RORA: variants seen among roughly 807,000 people sequenced by gnomAD.
RORA encodes RAR related orphan receptor A.
In RORA, 7 loss-of-function variants were observed where a neutral mutation model predicts 69.5. The observed-to-expected ratio is 0.10, with a 90% CI of 0.06 to 0.19. The LOEUF is 0.19. RORA is among the 10% of genes least tolerant of loss of function. The pLI is 1.00. For missense variants in RORA, 457 were observed against 663.0 expected (o/e 0.69, Z 3.41); for synonymous variants, 261 against 240.8 (o/e 1.08, Z -0.78).
chr15:61,113,279 T>G (rs753242913), intron 1 of RORA, among the ~76,000 whole-genome samples: 1 of 152,184 alleles, frequency 6.6e-6, no homozygotes, highest in Non-Finnish European at 1.5e-5. Context: ...GTAAAGATGT[T>G]TCGAACTCAG....
intron 2 of RORA, among the ~76,000 whole-genome samples, chr15:60,655,105 T>C (rs1380323789): frequency 1.3e-5 from 2 of 152,202 alleles, no homozygotes; most frequent in African/African-American, 4.8e-5. Context: ...TTGGATGCAC[T>C]GAAAATATAA....
chr15:61,027,325 T>C (rs1047612556), intron 1 of RORA, among the ~76,000 whole-genome samples: 9 of 152,232 alleles, frequency 5.9e-5, no homozygotes, highest in Non-Finnish European at 1.2e-4. Context: ...CTGGGAGGGC[T>C]AGCCATACCT....
intron 1 of RORA, among the ~76,000 whole-genome samples, chr15:61,098,409 A>C (rs2078829039): frequency 6.6e-6 from 1 of 151,706 alleles, no homozygotes; most frequent in African/African-American, 2.4e-5. Context: ...TGGCGTGATC[A>C]CAGCTCACTA....
intron 1 of RORA, among the ~76,000 whole-genome samples, chr15:60,791,971 C>A (rs1567192780): frequency 6.6e-6 from 1 of 151,392 alleles, no homozygotes. Flanking sequence ...AAAAACCAAC[C>A]CCAAGAATAC....
chr15:60,854,332 CA>C (rs1328957415), intron 1 of RORA, among the ~76,000 whole-genome samples: 1 of 152,150 alleles, frequency 6.6e-6, no homozygotes, highest in Non-Finnish European at 1.5e-5. Context: ...AATTCAAATA[CA>C]AAAATAACTT....
intron 2 of RORA, among the ~76,000 whole-genome samples, chr15:60,585,675 T>C (rs781663170): frequency 6.6e-6 from 1 of 152,202 alleles, no homozygotes; most frequent in Admixed American, 6.5e-5. Flanking sequence ...TCATAACAAT[T>C]GTTGACTCAC....
chr15:61,221,843 T>C (rs8041438), intron 1 of RORA, among the ~76,000 whole-genome samples: 75,208 of 151,790 alleles, frequency 0.5, 21,475 homozygotes, highest in South Asian at 0.66. Context: ...ACTTCCTAAT[T>C]GTTTCAGGAA....
intron 2 of RORA, among the ~76,000 whole-genome samples, chr15:60,555,474 G>A (rs937495635): frequency 6.6e-6 from 1 of 152,052 alleles, no homozygotes; most frequent in African/African-American, 2.4e-5. Flanking sequence ...TGTACTACTC[G>A]AGGAACCCTA....
In RORA at chr15:60,896,528, A is replaced by G. The variant is rs1410370043; in HGVS notation, c.167-217842T>C. Among the ~76,000 whole-genome samples, 2 of 152,236 alleles carry G rather than the reference A, an allele frequency of 1.3e-5. 1 individual carries two copies. The highest frequency in any genetic ancestry group is 1.3e-4 in the Admixed American group (2 of 15,288). ...GTTTTAGGCATTACTATACTAGGCC[A>G]TTCCTTAGCATGTGTGACATGAGTG... On this transcript the variant is annotated intron_variant, in intron 1 of 10. Transcript: ENST00000335670.
intron 1 of RORA, among the ~76,000 whole-genome samples, chr15:61,160,725 T>C (rs1338403533): frequency 6.6e-6 from 1 of 152,132 alleles, no homozygotes; most frequent in African/African-American, 2.4e-5. Flanking sequence ...CTATCATAAT[T>C]GATCACAGAA....
intron 1 of RORA, among the ~76,000 whole-genome samples, chr15:60,730,477 C>G (rs2071415193): frequency 6.6e-6 from 1 of 152,184 alleles, no homozygotes; most frequent in Non-Finnish European, 1.5e-5. Context: ...CTGGAAAAAT[C>G]TTAAAAAATG....
At chr15:60,805,171 CCT>C (rs1361947551) in intron 1 of RORA, among the ~76,000 whole-genome samples, 1 of 152,158 alleles carries the variant, frequency 6.6e-6, no homozygotes, top group African/African-American at 2.4e-5. Context: ...GCAGCCATCC[CCT>C]CTCACCATGA....
In RORA at chr15:60,495,163, G is replaced by GAAAC. The variant is rs575496417; in HGVS notation, c.*2288_*2291dup. On this transcript the variant is annotated 3_prime_UTR_variant, in exon 11 of 11. Transcript: ENST00000335670. ...CAAAACACCATTTCCCCCCAGAGGA[G>GAAAC]AAACAATAGAAAAAAAATGGATGAA... 12 of 152,064 alleles carry GAAAC rather than the reference G, an allele frequency of 7.9e-5. 1 individual carries two copies. The South Asian group carries it at 2.5e-3, about 32-fold the overall frequency. The allele number at this position is 152,064 out of a possible 1,614,324, so 9.4% of individuals were successfully genotyped here.
intron 1 of RORA, among the ~76,000 whole-genome samples, chr15:60,947,033 C>CCCGGCCAGCCGCCCCGT (rs1442955296): frequency 6.7e-6 from 1 of 149,582 alleles, no homozygotes; most frequent in African/African-American, 2.5e-5. Flanking sequence ...CCAGCCCCCG[C>CCCGGCCAGCCGCCCCGT]CCGGCCAGCC....
chr15:60,625,189 A>T (rs1174294034), intron 2 of RORA, among the ~76,000 whole-genome samples: 1 of 152,224 alleles, frequency 6.6e-6, no homozygotes, highest in Non-Finnish European at 1.5e-5. Flanking sequence ...ACATACAGAA[A>T]GACACAGACC....
intron 1 of RORA, among the ~76,000 whole-genome samples, chr15:60,742,482 C>A: frequency 6.6e-6 from 1 of 152,134 alleles, no homozygotes. Flanking sequence ...TCACAGACAT[C>A]ATTTTTGTGA....
intron 2 of RORA, among the ~76,000 whole-genome samples, chr15:60,622,339 G>A (rs549469047): frequency 1.1e-4 from 16 of 152,190 alleles, no homozygotes; most frequent in South Asian, 2.1e-4. Context: ...CAGGCTGGGC[G>A]TGATGGCTAA....
chr15:60,704,960 G>A (rs991746544), intron 1 of RORA, among the ~76,000 whole-genome samples: 1 of 152,154 alleles, frequency 6.6e-6, no homozygotes, highest in African/African-American at 2.4e-5. Flanking sequence ...CATCTGATTG[G>A]CATGAGCTTC....
At chr15:61,033,193 G>A (rs1212751367) in intron 1 of RORA, among the ~76,000 whole-genome samples, 2 of 152,146 alleles carry the variant, frequency 1.3e-5, no homozygotes, top group Non-Finnish European at 2.9e-5. Context: ...TCCAGTCTAT[G>A]GCTACAAAAC....
Sources: allele counts gnomAD v4.1 joint callset (sites outside exome capture counted in the v4.1 genomes callset), GRCh38; gene constraint gnomAD v4.1.1; transcripts MANE v1.5; gene names NCBI Gene and HGNC (gene_info 2026-07-23, HGNC 2026-07-21).